SCN2A: variants seen among roughly 807,000 people sequenced by gnomAD.
SCN2A encodes sodium channel protein type 2 subunit alpha.
Under a neutral mutation model 188.7 loss-of-function variants are expected in SCN2A, and 20 were observed. That is an observed-to-expected ratio of 0.11 (90% CI 0.07 to 0.15). The LOEUF (loss-of-function observed/expected upper bound fraction) is 0.15. Among genes scored for constraint, SCN2A ranks in the 10% least tolerant of loss-of-function variants. The probability of loss-of-function intolerance (pLI) is 1.00; values close to 1 mark genes in which losing one functional copy is unlikely to be tolerated. For synonymous variants in SCN2A, 804 were observed against 833.1 expected, an observed-to-expected ratio of 0.97 and a Z score of 0.60; for missense variants, 1,278 against 2,445.0, an observed-to-expected ratio of 0.52 and a Z score of 10.07.
intron 1 of SCN2A, among the ~76,000 whole-genome samples, chr2:165,284,165 A>AATTT (rs1009742197): frequency 2.0e-5 from 3 of 151,192 alleles, no homozygotes; most frequent in East Asian, 3.9e-4. Context: ...ATTATTATTT[A>AATTT]ATTTATTTAT....
intron 1 of SCN2A, among the ~76,000 whole-genome samples, chr2:165,279,695 AG>A (rs942811253): frequency 6.6e-6 from 1 of 152,194 alleles, no homozygotes; most frequent in Non-Finnish European, 1.5e-5. Context: ...GGGAAGAGAT[AG>A]ATATGTAATT....
intron 1 of SCN2A, among the ~76,000 whole-genome samples, chr2:165,287,734 G>C (rs1434427876): frequency 6.6e-6 from 1 of 152,078 alleles, no homozygotes; most frequent in Non-Finnish European, 1.5e-5. Flanking sequence ...ACCTCTTTGG[G>C]TTCTTAAAGT....
At chr2:165,365,572 CCTT>C (rs1314672286) in intron 18 of SCN2A, among the ~76,000 whole-genome samples, 2 of 151,900 alleles carry the variant, frequency 1.3e-5, no homozygotes, top group Admixed American at 1.3e-4. Flanking sequence ...TTTTCTGTGG[CCTT>C]CTAAAATATC....
intron 1 of SCN2A, chr2:165,239,969 A>G (rs1340008796): frequency 6.6e-6 from 1 of 152,198 alleles, no homozygotes; most frequent in East Asian, 1.9e-4. Flanking sequence ...CAGTGAACAA[A>G]TTGTAGAGAT....
chr2:165,378,086 G>A (rs922321998), intron 23 of SCN2A, among the ~76,000 whole-genome samples: 1 of 151,412 alleles, frequency 6.6e-6, no homozygotes, highest in Non-Finnish European at 1.5e-5. Context: ...TGTTTCTCTT[G>A]GGAAAGTGAG....
At chr2:165,346,966 A>T (rs1300107361) in intron 16 of SCN2A, among the ~76,000 whole-genome samples, 1 of 152,226 alleles carries the variant, frequency 6.6e-6, no homozygotes, top group Non-Finnish European at 1.5e-5. Flanking sequence ...GGATGTGGAG[A>T]AATAGGAATG....
At chr2:165,369,117 C>G (rs1700888996) in intron 19 of SCN2A, among the ~76,000 whole-genome samples, 1 of 151,992 alleles carries the variant, frequency 6.6e-6, no homozygotes, top group Admixed American at 6.6e-5. Context: ...GTAATAGAGA[C>G]TGGGTTTTGC....
chr2:165,277,146 T>C (rs373186863), intron 1 of SCN2A, among the ~76,000 whole-genome samples: 1 of 152,200 alleles, frequency 6.6e-6, no homozygotes, highest in African/African-American at 2.4e-5. Context: ...AAGGCAATCA[T>C]AGAATCTGGA....
At chr2:165,254,015 A>T (rs1272381185) in intron 1 of SCN2A, among the ~76,000 whole-genome samples, 1 of 151,860 alleles carries the variant, frequency 6.6e-6, no homozygotes, top group Non-Finnish European at 1.5e-5. Context: ...GCTGTTTCCT[A>T]ACTTTGACAT....
At chr2:165,281,589 A>G (rs173292) in intron 1 of SCN2A, among the ~76,000 whole-genome samples, 146,207 of 152,156 alleles carry the variant, frequency 0.96, 70,494 homozygotes, top group East Asian at 1. Context: ...GGCCAACACA[A>G]GCCATGGCTC....
intron 13 of SCN2A, 27 bp from the exon 14 acceptor site, chr2:165,331,303 T>A (rs1197215054): frequency 1.3e-6 from 2 of 1,542,230 alleles, no homozygotes; most frequent in African/African-American, 1.4e-5. Context: ...GCAGTTTTCA[T>A]GAGGATTCTA....
chr2:165,297,242 T>C, intron 3 of SCN2A, 107 bp downstream of exon 3: 1 of 705,972 alleles, frequency 1.4e-6, no homozygotes, highest in South Asian at 1.6e-5. Flanking sequence ...GTGTTCTTTC[T>C]TTTTCTTTCC....
At chr2:165,291,478 CTTTCTTTCTTTCTTTTCTTT>C (rs1445834074) in intron 1 of SCN2A, among the ~76,000 whole-genome samples, 2 of 47,604 alleles carry the variant, frequency 4.2e-5, no homozygotes, top group African/African-American at 1.5e-4. Context: ...TTCTTTCTTT[CTTTCTTTCTTTCTTTTCTTT>C]CTTTCTTTCT....
intron 12 of SCN2A, among the ~76,000 whole-genome samples, chr2:165,324,987 T>G (rs1698275598): frequency 6.6e-6 from 1 of 152,220 alleles, no homozygotes; most frequent in Non-Finnish European, 1.5e-5. Context: ...TAGAGATTCC[T>G]GTGCCTACCC....
In SCN2A at chr2:165,373,276, G is replaced by C. The variant is rs1701138387; in HGVS notation, c.3901G>C (p.Ala1301Pro). ...TGCCTTGGGTTACTCAGAACTTGGT[G>C]CCATCAAATCCCTCAGAACACTAAG... is the stretch of plus-strand genomic sequence containing the variant. ...ANALGYSELG[A>P]IKSLRTLRAL... The change falls in exon 21 of 27, where the codon GCC (alanine) becomes CCC (proline). Residue 1301 changes from alanine (A) to proline (P), a missense_variant. Around this residue, in one of 17 missense-constraint regions of SCN2A, gnomAD observed 39 missense variants for 130.2 expected, o/e 0.30. Transcript: ENST00000375437. 1 of 1,613,336 alleles carries C rather than the reference G, an allele frequency of 6.2e-7. No individual in the cohort carries two copies. Among genetic ancestry groups the C allele is most frequent in the Non-Finnish European group, 8.5e-7 (1 of 1,179,502 alleles).
chr2:165,383,819 T>C (rs1701728245), intron 25 of SCN2A, among the ~76,000 whole-genome samples: 1 of 152,082 alleles, frequency 6.6e-6, no homozygotes. Context: ...ACTGATGTCA[T>C]GCAGGAAATG....
intron 18 of SCN2A, among the ~76,000 whole-genome samples, 163 bp from the exon 19 acceptor site, chr2:165,367,054 T>C (rs954438377): frequency 1.3e-5 from 2 of 152,166 alleles, no homozygotes; most frequent in African/African-American, 2.4e-5. Context: ...TAAAAAGCCA[T>C]ATAGATGATT....
rs1384766755 is a variant in SCN2A, at chr2:165,295,964, A to T, written c.141A>T (p.Glu47Asp). 2 of 1,614,020 alleles carry T rather than the reference A, an allele frequency of 1.2e-6. No homozygotes were observed. Among genetic ancestry groups the T allele is most frequent in the African/African-American group, 1.3e-5 (1 of 74,932 alleles). ...PKQERKDEDDENGPKPNSDLE... is the reference protein window; with the variant it reads ...PKQERKDEDDDNGPKPNSDLE... Reference sequence around the variant, plus strand: ...AGGAACGCAAGGATGAGGATGATGAAAATGGCCCAAAGCCAAACAGTGACT... The same window carrying T: ...AGGAACGCAAGGATGAGGATGATGATAATGGCCCAAAGCCAAACAGTGACT... The change falls in exon 2 of 27, where the codon GAA (glutamate) becomes GAT (aspartate). Residue 47 changes from glutamate (E) to aspartate (D), a missense_variant. This residue lies in a region of SCN2A where 141 missense variants were observed against 185.4 expected (regional missense o/e 0.76). Coordinates refer to ENST00000375437, the MANE Select transcript of SCN2A (RefSeq NM_001040142.2).
intron 12 of SCN2A, among the ~76,000 whole-genome samples, chr2:165,325,629 T>C (rs1698315270): frequency 6.6e-6 from 1 of 151,506 alleles, no homozygotes; most frequent in Non-Finnish European, 1.5e-5. Flanking sequence ...ATGTGACTAT[T>C]TTTTTTTTCC....
Sources: allele counts gnomAD v4.1 joint callset (sites outside exome capture counted in the v4.1 genomes callset), GRCh38; gene constraint gnomAD v4.1.1; regional missense constraint gnomAD v4.1.1; transcripts MANE v1.5; gene names NCBI Gene and HGNC (gene_info 2026-07-23, HGNC 2026-07-21).